The following ANKS1A variants were observed in gnomAD, a reference collection of about 807,000 sequenced individuals.
ANKS1A encodes the protein ankyrin repeat and SAM domain-containing protein 1A.
In ANKS1A, 55 loss-of-function variants were observed where a neutral mutation model predicts 120.3. The ratio of observed to expected loss-of-function variants is 0.46; its 90% CI spans 0.37 to 0.57. The LOEUF (loss-of-function observed/expected upper bound fraction) is 0.57. Ranked by LOEUF, ANKS1A falls within the 20% of genes least tolerant of loss-of-function variation. The pLI is 0.00. For synonymous variants in ANKS1A, 590 were observed against 604.7 expected, an observed-to-expected ratio of 0.98 and a Z score of 0.36; for missense variants, 1,123 against 1,480.3, an observed-to-expected ratio of 0.76 and a Z score of 3.96.
At chr6:34,895,011 A>C (rs935821530) in intron 1 of ANKS1A, among the ~76,000 whole-genome samples, 16 of 152,138 alleles carry the variant, frequency 1.1e-4, no homozygotes, top group African/African-American at 3.9e-4. Context: ...AAAGAAAACT[A>C]TTCCAAAACA....
rs765735862 is a variant in ANKS1A, at chr6:35,018,042, G to A, written c.1993G>A (p.Ala665Thr). ...AAGGCTAGAGAAGTCACCCTCCTTC[G>A]CCTCGGAGTGGGATGAGGTAAGGCC... ...KKRLEKSPSFASEWDEIEKIM... is the reference protein window; with the variant it reads ...KKRLEKSPSFTSEWDEIEKIM... The change falls in exon 11 of 24, where the codon GCC becomes ACC. Residue 665 changes from alanine (A) to threonine (T), a missense_variant. By Grantham distance (58) the Ala-to-Thr change is moderately conservative (BLOSUM62 0). Coordinates refer to ENST00000360359, the MANE Select transcript of ANKS1A (RefSeq NM_015245.3). 13 of 1,613,592 alleles carry A rather than the reference G, an allele frequency of 8.1e-6. No individual in the cohort carries two copies. The East Asian group carries it at 1.6e-4, about 19-fold the overall frequency.
chr6:34,991,720 A>G (rs1772562641), intron 9 of ANKS1A, among the ~76,000 whole-genome samples: 3 of 87,222 alleles, frequency 3.4e-5, no homozygotes, highest in Admixed American at 1.3e-4. Context: ...ACACATATAT[A>G]TACATATATA....
intron 1 of ANKS1A, among the ~76,000 whole-genome samples, chr6:34,950,275 G>A (rs2127492274): frequency 7.3e-6 from 1 of 136,912 alleles, no homozygotes; most frequent in Admixed American, 8.1e-5. Flanking sequence ...CGCCCAGGCT[G>A]GAGTACAGTG....
At chr6:34,973,872 TTCCCCTTCCCCTTCA>T (rs1771318146) in intron 3 of ANKS1A, among the ~76,000 whole-genome samples, 1 of 44,758 alleles carries the variant, frequency 2.2e-5, no homozygotes, top group African/African-American at 1.1e-4. Context: ...TCCCCTTCCC[TTCCCCTTCCCCTTCA>T]CTTCCCCTTC....
chr6:35,035,570 G>T (rs1775124057), intron 11 of ANKS1A, among the ~76,000 whole-genome samples: 1 of 152,136 alleles, frequency 6.6e-6, no homozygotes, highest in African/African-American at 2.4e-5. Context: ...CATGGCCATT[G>T]CTGGCCTCTG....
intron 1 of ANKS1A, among the ~76,000 whole-genome samples, chr6:34,919,818 A>C (rs1025359975): frequency 1.3e-5 from 2 of 152,154 alleles, no homozygotes; most frequent in African/African-American, 2.4e-5. Flanking sequence ...GGCAACTGTT[A>C]GTTAGCTATT....
In ANKS1A at chr6:35,085,914, G is replaced by A. The variant is rs756180268; in HGVS notation, c.3281G>A (p.Arg1094Gln). The stretch of plus-strand genomic sequence containing the variant: ...TCTTCCAAACCGGTGCCTAAGCCTC[G>A]GGTCGGCGTGAGGAAATCCGCAGTA... ...TKSSKPVPKP[R>Q]VGVRKSALEP... is the part of the protein sequence containing the mutation. Residue 1094 changes from arginine (R) to glutamine (Q), a missense_variant, in exon 22 of 24, where the codon CGG becomes CAG. By Grantham distance (43) the Arg-to-Gln change is conservative (BLOSUM62 1). Coordinates refer to ENST00000360359, the MANE Select transcript of ANKS1A (RefSeq NM_015245.3). The surrounding 1 kb of genome is among the most constrained non-coding windows in gnomAD (Gnocchi z 4.7). 8.1e-6 allele frequency: 13 copies of A among 1,609,796 alleles called. No individual in the cohort carries two copies. Among genetic ancestry groups the A allele is most frequent in the East Asian group, 4.5e-5 (2 of 44,844 alleles).
chr6:35,077,836 G>A (rs1420833642), intron 13 of ANKS1A, among the ~76,000 whole-genome samples: 2 of 152,178 alleles, frequency 1.3e-5, no homozygotes, highest in East Asian at 3.9e-4. Context: ...TTGTGAGCAT[G>A]AAGTGGGATG....
At chr6:35,092,005 A>G (rs1243068625), downstream of ANKS1A, among the ~76,000 whole-genome samples, 2 of 152,218 alleles carry the variant, frequency 1.3e-5, no homozygotes, top group Non-Finnish European at 2.9e-5. Flanking sequence ...CGGCCCCTTC[A>G]CTGATTGACG....
rs538830536 is a variant in ANKS1A, at chr6:35,088,501, G to A, written c.3402-105G>A. On this transcript the variant is annotated intron_variant, in intron 23 of 23. Coordinates refer to ENST00000360359, the MANE Select transcript of ANKS1A (RefSeq NM_015245.3). ...GCATGGAGGGTGCCCCGGGGAGGCT[G>A]TGAGGGATCGTCTGTCCTGCTCTGT... 180 of 1,468,100 alleles carry A rather than the reference G, an allele frequency of 1.2e-4. 2 individuals carry two copies. In the South Asian group the frequency reaches 2.0e-3, roughly 16 times the overall value. The allele number at this position is 1,468,100 out of a possible 1,614,324, so 90.9% of individuals were successfully genotyped here.
chr6:35,090,131 GCT>G lies in ANKS1A; in HGVS notation c.*1529_*1530del. On this transcript the variant is annotated 3_prime_UTR_variant, in exon 24 of 24. Transcript: ENST00000360359. ...CCAGCAGGTTGGGGCCTGGGACTCA[GCT>G]CTCTCTGCGGTAGAGGCAGGCCCTC... is the stretch of plus-strand genomic sequence containing the variant. 7.8e-7 allele frequency: 1 copy of G among 1,289,428 alleles called. No individual in the cohort carries two copies. The highest frequency in any genetic ancestry group is 1.0e-6 in the Non-Finnish European group (1 of 988,860). The allele number at this position is 1,289,428 out of a possible 1,614,324, so 79.9% of individuals were successfully genotyped here. A position where few individuals can be genotyped will look rare whatever the true frequency, so the allele number is the denominator to read the frequency against.
Position 35,089,618 on chromosome 6 carries a change from C to T in ANKS1A, c.*1009C>T, listed in dbSNP as rs189736113. 8 of 986,800 alleles carry T rather than the reference C, an allele frequency of 8.1e-6. No homozygotes were observed. The East Asian group carries it at 7.9e-4, about 98-fold the overall frequency. 61.1% of individuals were successfully genotyped at this position (986,800 alleles called of 1,614,324 possible). On this transcript the variant is annotated 3_prime_UTR_variant, in exon 24 of 24. Coordinates refer to ENST00000360359, the MANE Select transcript of ANKS1A (RefSeq NM_015245.3). ...ACTTGGCTGCTGGGCCCATCCCTGG[C>T]CCCCGGTGTGGAAAAGGCTAAATAA...
At chr6:34,939,604 T>G (rs1769429027) in intron 1 of ANKS1A, among the ~76,000 whole-genome samples, 2 of 152,124 alleles carry the variant, frequency 1.3e-5, no homozygotes, top group South Asian at 4.2e-4. Flanking sequence ...TCCCAGCACT[T>G]TGGAAGGCTG....
At chr6:35,018,275 G>A (rs986926663) in intron 11 of ANKS1A, among the ~76,000 whole-genome samples, 1 of 152,238 alleles carries the variant, frequency 6.6e-6, no homozygotes. Flanking sequence ...AAATTAGAGG[G>A]TGGAGGCCCC....
chr6:34,890,492 G>T (rs931506886), intron 1 of ANKS1A, among the ~76,000 whole-genome samples: 7 of 152,204 alleles, frequency 4.6e-5, no homozygotes, highest in Admixed American at 6.5e-5. Flanking sequence ...GTTCCTTGTA[G>T]TGAACCTCAT....
In ANKS1A at chr6:35,085,019, G is replaced by T. The variant is rs1254792182; in HGVS notation, c.3133-747G>T. ...AGCAGCTGCTTCCAGAATCTCTGTG[G>T]CTCCTGGAATACAGGCAGCTCTGGG... On this transcript the variant is annotated intron_variant, in intron 21 of 23. Coordinates refer to ENST00000360359, the MANE Select transcript of ANKS1A (RefSeq NM_015245.3). The surrounding 1 kb of genome is among the most constrained non-coding windows in gnomAD (Gnocchi z 4.7). Among the ~76,000 whole-genome samples the T allele has an allele frequency of 2.6e-5, 4 of 152,152 alleles. No homozygotes were observed. Among genetic ancestry groups the T allele is most frequent in the African/African-American group, 9.7e-5 (4 of 41,426 alleles).
intron 1 of ANKS1A, among the ~76,000 whole-genome samples, chr6:34,941,434 A>T (rs574824207): frequency 6.1e-4 from 91 of 149,906 alleles, no homozygotes; most frequent in African/African-American, 2.1e-3. Context: ...TATTATTATT[A>T]TTTTTTATTT....
intron 1 of ANKS1A, among the ~76,000 whole-genome samples, chr6:34,926,941 G>A (rs1484882223): frequency 6.6e-6 from 1 of 152,164 alleles, no homozygotes; most frequent in Non-Finnish European, 1.5e-5. Context: ...TAGTGGTTAG[G>A]TGTGTGGCTC....
rs956253776 is a variant in ANKS1A, at chr6:35,084,717, C to T, written c.3132+459C>T. ...CTAGGTCTCCAACCTCTGGCTGGGCCGCCTCCCAGAAATGCCCTCTACTTC... is the reference window on the plus strand; with the variant it reads ...CTAGGTCTCCAACCTCTGGCTGGGCTGCCTCCCAGAAATGCCCTCTACTTC... On this transcript the variant is annotated intron_variant, in intron 21 of 23. Transcript: ENST00000360359. This position sits in a 1 kb window ranked among gnomAD's most constrained non-coding sequence, Gnocchi z 4.8. Among the ~76,000 whole-genome samples, 14 of 152,148 alleles carry T rather than the reference C, an allele frequency of 9.2e-5. No individual in the cohort carries two copies. The highest frequency in any genetic ancestry group is 2.1e-4 in the Non-Finnish European group (14 of 68,024).
Sources: allele counts gnomAD v4.1 joint callset (sites outside exome capture counted in the v4.1 genomes callset), GRCh38; gene constraint gnomAD v4.1.1; non-coding constraint Gnocchi (gnomAD v3.1); transcripts MANE v1.5; gene names NCBI Gene and HGNC (gene_info 2026-07-23, HGNC 2026-07-21).